Variants in KCNH8 observed in about 807,000 individuals in gnomAD.
The protein encoded by KCNH8 is voltage-gated delayed rectifier potassium channel KCNH8.
Under a neutral mutation model 103.6 loss-of-function variants are expected in KCNH8, and 70 were observed. That is an observed-to-expected ratio of 0.68 (90% CI 0.56 to 0.82). The LOEUF (loss-of-function observed/expected upper bound fraction) is 0.82. KCNH8 is among the 40% of genes least tolerant of loss of function. KCNH8 has a pLI of 0.00. For synonymous variants in KCNH8, 498 were observed against 489.4 expected (o/e 1.02, Z -0.23); for missense variants, 1,217 against 1,329.9 (o/e 0.92, Z 1.32).
chr3:19,347,769 T>C lies in KCNH8; in HGVS notation c.615T>C (p.Ser205=), dbSNP rs201026640. ...CAGCATTTCCGGAGTATAAAGTTTCTGATGCAAAAAAGTCCAAATTCATAC... is the reference window on the plus strand; with the variant it reads ...CAGCATTTCCGGAGTATAAAGTTTCCGATGCAAAAAAGTCCAAATTCATAC... The part of the protein sequence containing the change: ...DKPAFPEYKV[S]DAKKSKFILL... The change falls in exon 5 of 16, where the codon TCT becomes TCC. Residue 205 remains serine, a synonymous_variant. Transcript: ENST00000328405. 7 of 1,613,194 alleles carry C rather than the reference T, an allele frequency of 4.3e-6. No homozygotes were observed. The highest frequency in any genetic ancestry group is 1.1e-5 in the South Asian group (1 of 91,056).
chr3:19,348,052 G>A, intron 5 of KCNH8, 87 bp downstream of exon 5: 1 of 1,498,862 alleles, frequency 6.7e-7, no homozygotes, highest in East Asian at 2.3e-5. Flanking sequence ...TTTGAACTAA[G>A]ATCCATTTGC....
At chr3:19,349,198 C>A (rs546554399) in intron 5 of KCNH8, among the ~76,000 whole-genome samples, 17 of 151,730 alleles carry the variant, frequency 1.1e-4, no homozygotes, top group African/African-American at 3.6e-4. Flanking sequence ...ATATAGCTAT[C>A]CTTTATTAGA....
intron 3 of KCNH8, among the ~76,000 whole-genome samples, chr3:19,312,187 C>A (rs536085196): frequency 6.6e-6 from 1 of 151,788 alleles, no homozygotes; most frequent in Non-Finnish European, 1.5e-5. Context: ...AAACTTCATT[C>A]GAAATTATAA....
At chr3:19,388,662 A>G (rs2066392032) in intron 5 of KCNH8, among the ~76,000 whole-genome samples, 1 of 152,108 alleles carries the variant, frequency 6.6e-6, no homozygotes, top group Non-Finnish European at 1.5e-5. Flanking sequence ...TTCAGTTTTT[A>G]AAAGTTATAT....
At chr3:19,355,175 A>G (rs2065863013) in intron 5 of KCNH8, among the ~76,000 whole-genome samples, 1 of 152,202 alleles carries the variant, frequency 6.6e-6, no homozygotes, top group Admixed American at 6.5e-5. Context: ...AATCAAAACC[A>G]CAATGAGGTA....
At chr3:19,360,599 A>G (rs2065935544) in intron 5 of KCNH8, among the ~76,000 whole-genome samples, 1 of 152,042 alleles carries the variant, frequency 6.6e-6, no homozygotes, top group Non-Finnish European at 1.5e-5. Context: ...GTCTAGGACA[A>G]TGTTTTCTAA....
At chr3:19,389,925 C>T (rs968185315) in intron 5 of KCNH8, among the ~76,000 whole-genome samples, 4 of 152,024 alleles carry the variant, frequency 2.6e-5, no homozygotes, top group East Asian at 3.9e-4. Context: ...CCACCATGCC[C>T]GGCTTGTATC....
intron 2 of KCNH8, among the ~76,000 whole-genome samples, chr3:19,261,570 C>T (rs918648185): frequency 2.0e-5 from 3 of 151,092 alleles, no homozygotes; most frequent in Admixed American, 6.6e-5. Flanking sequence ...TGACTGTTTC[C>T]CTTGCTATGC....
intron 5 of KCNH8, among the ~76,000 whole-genome samples, chr3:19,361,323 T>C (rs2065944199): frequency 6.6e-6 from 1 of 152,100 alleles, no homozygotes; most frequent in Admixed American, 6.6e-5. Flanking sequence ...GCCCAAACAG[T>C]TGAAAGTCTT....
chr3:19,376,441 C>T (rs1018755667), intron 5 of KCNH8, among the ~76,000 whole-genome samples: 1 of 152,150 alleles, frequency 6.6e-6, no homozygotes, highest in Non-Finnish European at 1.5e-5. Context: ...GAGGCAATGC[C>T]TCTCCCTGCT....
chr3:19,431,367 G>A (rs2067119070), intron 7 of KCNH8, among the ~76,000 whole-genome samples: 1 of 152,180 alleles, frequency 6.6e-6, no homozygotes, highest in African/African-American at 2.4e-5. Flanking sequence ...TTTTTGATGT[G>A]CTGCTGGATG....
intron 7 of KCNH8, among the ~76,000 whole-genome samples, chr3:19,420,356 C>A (rs1389452865): frequency 6.6e-6 from 1 of 152,168 alleles, no homozygotes; most frequent in Non-Finnish European, 1.5e-5. Flanking sequence ...CAAAAACCTG[C>A]TGCTGATGGT....
intron 5 of KCNH8, among the ~76,000 whole-genome samples, chr3:19,361,903 A>T (rs2065951547): frequency 6.6e-6 from 1 of 152,132 alleles, no homozygotes; most frequent in African/African-American, 2.4e-5. Flanking sequence ...ATTTGTATAC[A>T]TAAGGAGAAA....
At chr3:19,375,124 C>CT (rs1404234118) in intron 5 of KCNH8, among the ~76,000 whole-genome samples, 1 of 151,672 alleles carries the variant, frequency 6.6e-6, no homozygotes, top group Non-Finnish European at 1.5e-5. Context: ...GTGGCGTTCT[C>CT]TGTATTTCCT....
At chr3:19,216,984 A>G (rs1001188963) in intron 1 of KCNH8, among the ~76,000 whole-genome samples, 4 of 152,172 alleles carry the variant, frequency 2.6e-5, no homozygotes, top group Admixed American at 2.0e-4. Context: ...AGCTGGTGTG[A>G]AGGTAGAAAA....
intron 7 of KCNH8, among the ~76,000 whole-genome samples, chr3:19,437,269 T>C (rs932269119): frequency 3.9e-5 from 6 of 152,088 alleles, no homozygotes; most frequent in Non-Finnish European, 8.8e-5. Context: ...AAATATAAAA[T>C]CTTAAGGGAC....
At chr3:19,227,852 A>C (rs17005762) in intron 1 of KCNH8, among the ~76,000 whole-genome samples, 12,171 of 152,216 alleles carry the variant, frequency 0.08, 1,613 homozygotes, top group African/African-American at 0.27. Context: ...TGTTTCCACT[A>C]TACATGATGC....
intron 7 of KCNH8, among the ~76,000 whole-genome samples, chr3:19,425,842 A>T (rs569974599): frequency 6.6e-6 from 1 of 152,228 alleles, no homozygotes; most frequent in Non-Finnish European, 1.5e-5. Flanking sequence ...GTGGTGTCAT[A>T]TGACCTTGAA....
intron 1 of KCNH8, among the ~76,000 whole-genome samples, chr3:19,177,305 T>C (rs1275774525): frequency 6.6e-6 from 1 of 152,082 alleles, no homozygotes; most frequent in Non-Finnish European, 1.5e-5. Flanking sequence ...CTGCAAATAA[T>C]TGTAAAAGAT....
Sources: gnomAD v4.1 joint callset for allele counts (sites outside exome capture counted in the v4.1 genomes callset) on GRCh38, gnomAD v4.1.1 for gene constraint, MANE v1.5 for transcripts, NCBI Gene and HGNC (gene_info 2026-07-23, HGNC 2026-07-21) for gene names.